Variants in NEGR1 observed in about 807,000 individuals in gnomAD.
NEGR1 encodes the protein IgLON family member 4.
In NEGR1, 10 loss-of-function variants were observed where a neutral mutation model predicts 40.9. The observed-to-expected ratio is 0.24, with a 90% CI of 0.15 to 0.42. The LOEUF (loss-of-function observed/expected upper bound fraction) is 0.42. Ranked by LOEUF, NEGR1 falls within the 10% of genes least tolerant of loss-of-function variation. The probability of loss-of-function intolerance (pLI) is 1.00; values close to 1 mark genes in which losing one functional copy is unlikely to be tolerated. For missense variants in NEGR1, 352 were observed against 438.9 expected (o/e 0.80, Z 1.77); for synonymous variants, 185 against 166.8 (o/e 1.11, Z -0.84).
chr1:71,584,024 A>T (rs1649222916), intron 6 of NEGR1, among the ~76,000 whole-genome samples: 1 of 152,238 alleles, frequency 6.6e-6, no homozygotes, highest in African/African-American at 2.4e-5. Flanking sequence ...CGGAAAATCC[A>T]ACCTACTATA....
chr1:72,155,188 C>A (rs997633873), intron 1 of NEGR1, among the ~76,000 whole-genome samples: 2 of 151,954 alleles, frequency 1.3e-5, no homozygotes, highest in South Asian at 4.1e-4. Flanking sequence ...ATTGATAAAA[C>A]CACTACGACT....
At chr1:72,000,203 T>C (rs536601509) in intron 1 of NEGR1, among the ~76,000 whole-genome samples, 1 of 152,190 alleles carries the variant, frequency 6.6e-6, no homozygotes, top group South Asian at 2.1e-4. Context: ...CTTTAATTTT[T>C]CTTAAATTTG....
At chr1:72,182,919 A>C (rs1652440130) in intron 1 of NEGR1, among the ~76,000 whole-genome samples, 1 of 152,064 alleles carries the variant, frequency 6.6e-6, no homozygotes, top group South Asian at 2.1e-4. Context: ...CCTTAAAATG[A>C]AAACAAAAAA....
chr1:71,555,578 C>T (rs1389208010), intron 6 of NEGR1, among the ~76,000 whole-genome samples: 1 of 151,562 alleles, frequency 6.6e-6, no homozygotes, highest in Non-Finnish European at 1.5e-5. Context: ...AAGAGCACTG[C>T]TGAGTATGCT....
chr1:71,550,709 C>T (rs1648048324), intron 6 of NEGR1, among the ~76,000 whole-genome samples: 1 of 151,564 alleles, frequency 6.6e-6, no homozygotes, highest in Non-Finnish European at 1.5e-5. Context: ...TGTTCCTTAT[C>T]TAAATCACTT....
chr1:71,457,728 C>T (rs907408813), intron 6 of NEGR1, among the ~76,000 whole-genome samples: 10 of 151,936 alleles, frequency 6.6e-5, no homozygotes, highest in African/African-American at 2.2e-4. Context: ...TTTTTTGAGA[C>T]GGAGTCTTGC....
chr1:71,882,816 T>C (rs1336794073), intron 2 of NEGR1, among the ~76,000 whole-genome samples: 1 of 151,964 alleles, frequency 6.6e-6, no homozygotes, highest in Non-Finnish European at 1.5e-5. Context: ...ACACAGATAC[T>C]TTTCCTACCA....
intron 1 of NEGR1, among the ~76,000 whole-genome samples, chr1:72,189,124 C>G (rs887625530): frequency 2.0e-5 from 3 of 151,454 alleles, no homozygotes; most frequent in African/African-American, 4.8e-5. Context: ...TCTCCCTATT[C>G]AAATGATAAA....
At chr1:72,053,279 AT>A (rs1366463994) in intron 1 of NEGR1, among the ~76,000 whole-genome samples, 2 of 151,116 alleles carry the variant, frequency 1.3e-5, no homozygotes, top group Admixed American at 6.6e-5. Flanking sequence ...TTGTCATCTT[AT>A]TCATTGCTTA....
rs1569826638 is a variant in NEGR1, at chr1:71,400,058, T to C, written c.*7388A>G. On this transcript the variant is annotated 3_prime_UTR_variant, in exon 7 of 7. Transcript: ENST00000357731. ...AGTCTGCTGTGACTTAGTGTAAAGTTAACTCCTTTTTGAATGTAAAAAGTC... is the reference window on the plus strand; with the variant it reads ...AGTCTGCTGTGACTTAGTGTAAAGTCAACTCCTTTTTGAATGTAAAAAGTC... The C allele has an allele frequency of 6.6e-6, 1 of 152,314 alleles. No homozygotes were observed. The highest frequency in any genetic ancestry group is 2.1e-4 in the South Asian group (1 of 4,830). 9.4% of individuals were successfully genotyped at this position (152,314 alleles called of 1,614,324 possible). A position where few individuals can be genotyped will look rare whatever the true frequency, so the allele number is the denominator to read the frequency against.
intron 2 of NEGR1, among the ~76,000 whole-genome samples, chr1:71,867,303 G>T (rs749905873): frequency 6.6e-6 from 1 of 152,314 alleles, no homozygotes; most frequent in East Asian, 1.9e-4. Flanking sequence ...GAACCCAGGA[G>T]GTGGAGGTTG....
intron 4 of NEGR1, among the ~76,000 whole-genome samples, chr1:71,640,246 A>T (rs991602045): frequency 2.0e-5 from 3 of 152,068 alleles, no homozygotes; most frequent in Admixed American, 1.3e-4. Flanking sequence ...ACAATAAGAC[A>T]GAAAATCTTG....
chr1:71,828,864 C>T (rs1042182918), intron 2 of NEGR1, among the ~76,000 whole-genome samples: 3 of 151,912 alleles, frequency 2.0e-5, no homozygotes, highest in Admixed American at 6.6e-5. Context: ...CCAATCAATG[C>T]ACAATGAACA....
intron 4 of NEGR1, among the ~76,000 whole-genome samples, chr1:71,614,846 C>T (rs868012545): frequency 2.6e-5 from 4 of 152,228 alleles, no homozygotes; most frequent in South Asian, 2.1e-4. Context: ...AGTGTACATA[C>T]GGCTCAGTAC....
intron 4 of NEGR1, among the ~76,000 whole-genome samples, chr1:71,689,117 T>A (rs1285081474): frequency 6.6e-6 from 1 of 152,200 alleles, no homozygotes; most frequent in African/African-American, 2.4e-5. Context: ...ATGAATTACA[T>A]TTTAAAGGAT....
chr1:72,174,480 CT>C (rs1386255652), intron 1 of NEGR1, among the ~76,000 whole-genome samples: 6 of 152,060 alleles, frequency 3.9e-5, no homozygotes, highest in African/African-American at 1.4e-4. Context: ...CCTCTGTGTG[CT>C]GTCTATTCAT....
chr1:71,569,854 A>T (rs1030647499), intron 6 of NEGR1, among the ~76,000 whole-genome samples: 1 of 152,196 alleles, frequency 6.6e-6, no homozygotes, highest in African/African-American at 2.4e-5. Flanking sequence ...TTTAGAAAAG[A>T]TCAGACACAA....
intron 2 of NEGR1, among the ~76,000 whole-genome samples, chr1:71,913,419 G>A (rs577056262): frequency 6.6e-6 from 1 of 152,160 alleles, no homozygotes; most frequent in East Asian, 1.9e-4. Flanking sequence ...CCAGCCGGAA[G>A]CAATCCTTTT....
intron 1 of NEGR1, among the ~76,000 whole-genome samples, chr1:71,987,030 AT>A (rs1463600422): frequency 9.9e-5 from 15 of 152,148 alleles, no homozygotes; most frequent in African/African-American, 2.9e-4. Context: ...TAAAAGCAGA[AT>A]TTTGAGTGTT....
Sources: allele counts gnomAD v4.1 joint callset (sites outside exome capture counted in the v4.1 genomes callset), GRCh38; gene constraint gnomAD v4.1.1; transcripts MANE v1.5; gene names NCBI Gene and HGNC (gene_info 2026-07-23, HGNC 2026-07-21).